The following ROCK1 variants were observed in gnomAD, a reference collection of about 807,000 sequenced individuals.
The protein encoded by ROCK1 is rho-associated protein kinase 1.
A neutral mutation model predicts 196.8 loss-of-function variants in ROCK1; 36 were observed. That is an observed-to-expected ratio of 0.18 (90% CI 0.14 to 0.24). The LOEUF is 0.24. Among genes scored for constraint, ROCK1 ranks in the 10% least tolerant of loss-of-function variants. The probability of loss-of-function intolerance (pLI) is 1.00; values close to 1 mark genes in which losing one functional copy is unlikely to be tolerated. For missense variants in ROCK1, 920 were observed against 1,562.0 expected (o/e 0.59, Z 6.93); for synonymous variants, 443 against 515.9 (o/e 0.86, Z 1.91).
At chr18:21,016,983 T>C (rs1371347411) in intron 12 of ROCK1, among the ~76,000 whole-genome samples, 2 of 151,818 alleles carry the variant, frequency 1.3e-5, no homozygotes, top group Admixed American at 6.6e-5. Context: ...TACTGGCCAG[T>C]CAAGGTCTCT....
chr18:21,007,432 A>C (rs2035777867), intron 14 of ROCK1, among the ~76,000 whole-genome samples: 1 of 152,110 alleles, frequency 6.6e-6, no homozygotes. Context: ...TACAGCATTC[A>C]TTACCTTTAT....
chr18:21,081,432 A>G (rs2036481944), intron 1 of ROCK1, among the ~76,000 whole-genome samples: 1 of 152,118 alleles, frequency 6.6e-6, no homozygotes, highest in Admixed American at 6.5e-5. Context: ...TAAAATCAAT[A>G]AAAATAACCT....
intron 29 of ROCK1, among the ~76,000 whole-genome samples, chr18:20,957,884 G>A (rs1318083743): frequency 4.6e-5 from 7 of 151,914 alleles, no homozygotes; most frequent in Non-Finnish European, 8.8e-5. Context: ...TTGAACTCAG[G>A]CCAACCGCCC....
chr18:20,954,750 T>C (rs752018108), intron 31 of ROCK1, 33 bp downstream of exon 31: 6 of 1,548,500 alleles, frequency 3.9e-6, no homozygotes, highest in Admixed American at 4.1e-5. Context: ...ATTAAATTTG[T>C]TATAAGTTGT....
intron 16 of ROCK1, among the ~76,000 whole-genome samples, chr18:21,004,962 C>T (rs557671607): frequency 6.6e-6 from 1 of 152,258 alleles, no homozygotes; most frequent in South Asian, 2.1e-4. Context: ...TGACCCTGAC[C>T]TCTCTCCACT....
chr18:21,041,708 T>C (rs190981342), intron 8 of ROCK1, among the ~76,000 whole-genome samples: 3 of 152,270 alleles, frequency 2.0e-5, no homozygotes, highest in African/African-American at 7.2e-5. Flanking sequence ...ACCGTTTTTA[T>C]ACCACTATGA....
Position 21,028,904 on chromosome 18 carries a change from A to G in ROCK1, c.1083T>C (p.Ser361=), listed in dbSNP as rs1485666454. 6.2e-7 allele frequency: 1 copy of G among 1,611,298 alleles called. No individual in the cohort carries two copies. Among genetic ancestry groups the G allele is most frequent in the Admixed American group, 1.7e-5 (1 of 59,134 alleles). ...TVAPVVPDLS[S]DIDTSNFDDL... ...CATCAAAATTACTAGTATCAATGTC[A>G]CTACTTAAATCGGGTACAACTGGTG... Residue 361 remains serine, a synonymous_variant, in exon 10 of 33, where the codon AGT becomes AGC. Transcript: ENST00000399799.
intron 18 of ROCK1, 130 bp from the exon 19 acceptor site, chr18:20,987,240 A>C (rs921441196): frequency 4.2e-6 from 3 of 711,242 alleles, no homozygotes; most frequent in Non-Finnish European, 6.8e-6. Context: ...TAGAGCTAGT[A>C]ATTATAGAAA....
intron 9 of ROCK1, among the ~76,000 whole-genome samples, chr18:21,036,479 C>A (rs1282943681): frequency 3.9e-5 from 6 of 152,124 alleles, no homozygotes; most frequent in East Asian, 1.9e-4. Flanking sequence ...AGTTATTGTT[C>A]TGTTGCCCAG....
chr18:21,010,483 G>A (rs1435847856), intron 13 of ROCK1, among the ~76,000 whole-genome samples: 1 of 152,086 alleles, frequency 6.6e-6, no homozygotes, highest in Non-Finnish European at 1.5e-5. Context: ...TTTTCACTGA[G>A]ACTTCTTCTT....
chr18:21,091,265 A>T (rs1263488178), intron 1 of ROCK1, among the ~76,000 whole-genome samples: 1 of 152,110 alleles, frequency 6.6e-6, no homozygotes, highest in Admixed American at 6.6e-5. Context: ...GATTTTCCTA[A>T]TATTTTCTTT....
chr18:21,024,374 TAAA>T (rs2143470417), intron 10 of ROCK1, among the ~76,000 whole-genome samples: 1 of 152,296 alleles, frequency 6.6e-6, no homozygotes, highest in East Asian at 1.9e-4. Flanking sequence ...TCAAACAATC[TAAA>T]TAGATCATAT....
At chr18:21,068,503 C>CA (rs1307731293) in intron 2 of ROCK1, among the ~76,000 whole-genome samples, 1 of 152,118 alleles carries the variant, frequency 6.6e-6, no homozygotes, top group Non-Finnish European at 1.5e-5. Context: ...TCACCTTATA[C>CA]AAAAAACTGT....
intron 22 of ROCK1, among the ~76,000 whole-genome samples, chr18:20,977,718 A>G (rs1209264761): frequency 6.6e-6 from 1 of 152,090 alleles, no homozygotes; most frequent in East Asian, 1.9e-4. Flanking sequence ...TATGGATTGA[A>G]TATTTGGCAC....
At chr18:21,071,706 T>C (rs2036387286) in intron 1 of ROCK1, among the ~76,000 whole-genome samples, 1 of 152,128 alleles carries the variant, frequency 6.6e-6, no homozygotes, top group Non-Finnish European at 1.5e-5. Flanking sequence ...AGAATGGTTT[T>C]TGCGTGATGC....
Position 20,966,786 on chromosome 18 carries a change from T to C in ROCK1, c.3352+131A>G, listed in dbSNP as rs1470474786. ...TGTATAATCATCATCAGGCCTTGGC[T>C]ATCAGAAATAAGAATTCCTTCTTAG... On this transcript the variant is annotated intron_variant, in intron 27 of 32. Transcript: ENST00000399799. 3 of 692,408 alleles carry C rather than the reference T, an allele frequency of 4.3e-6. No individual in the cohort carries two copies. In the East Asian group the frequency reaches 8.1e-5, roughly 19 times the overall value. 42.9% of individuals were successfully genotyped at this position (692,408 alleles called of 1,614,324 possible).
chr18:21,029,524 A>G (rs2035988581), intron 9 of ROCK1, among the ~76,000 whole-genome samples: 1 of 152,126 alleles, frequency 6.6e-6, no homozygotes, highest in Admixed American at 6.5e-5. Flanking sequence ...GTATTTTCAG[A>G]CTAGCTACCT....
chr18:21,017,680 GA>G (rs1217720113), intron 12 of ROCK1, among the ~76,000 whole-genome samples: 4 of 151,862 alleles, frequency 2.6e-5, no homozygotes, highest in Non-Finnish European at 5.9e-5. Flanking sequence ...TTGATTTAAA[GA>G]AATGCAAGTG....
At chr18:21,045,670 G>C (rs1568393580) in intron 4 of ROCK1, among the ~76,000 whole-genome samples, 1 of 152,076 alleles carries the variant, frequency 6.6e-6, no homozygotes, top group Non-Finnish European at 1.5e-5. Context: ...TAATTATTCA[G>C]AAGAGTTACA....
Sources: allele counts gnomAD v4.1 joint callset (sites outside exome capture counted in the v4.1 genomes callset), GRCh38; gene constraint gnomAD v4.1.1; transcripts MANE v1.5; gene names NCBI Gene and HGNC (gene_info 2026-07-23, HGNC 2026-07-21).